MAPK10: variants seen among roughly 807,000 people sequenced by gnomAD.
The protein encoded by MAPK10 is mitogen-activated protein kinase 10, also known as JNK3 alpha protein kinase.
A neutral mutation model predicts 59.3 loss-of-function variants in MAPK10; 25 were observed. The observed-to-expected ratio is 0.42, with a 90% CI of 0.31 to 0.59. MAPK10 has a LOEUF of 0.59. Ranked by LOEUF, MAPK10 falls within the 20% of genes least tolerant of loss-of-function variation. MAPK10 has a pLI of 0.15. For synonymous variants in MAPK10, 190 were observed against 200.5 expected (o/e 0.95, Z 0.44); for missense variants, 351 against 568.9 (o/e 0.62, Z 3.90).
At chr4:86,288,271 C>T (rs1342320459) in intron 2 of MAPK10, among the ~76,000 whole-genome samples, 1 of 150,454 alleles carries the variant, frequency 6.6e-6, no homozygotes, top group Non-Finnish European at 1.5e-5. Flanking sequence ...TGTGCTGCAC[C>T]CATTAACTCG....
intron 9 of MAPK10, chr4:86,089,248 C>T: frequency 6.2e-7 from 1 of 1,612,842 alleles, no homozygotes. Context: ...ATCATTTCTC[C>T]CATGATGCAC....
intron 9 of MAPK10, among the ~76,000 whole-genome samples, chr4:86,084,550 T>C (rs191058057): frequency 2.9e-4 from 44 of 152,008 alleles, no homozygotes; most frequent in Admixed American, 8.5e-4. Context: ...AGCAAACAAG[T>C]GAAAGATCTC....
chr4:86,448,551 T>A (rs1291046077), intron 1 of MAPK10, among the ~76,000 whole-genome samples: 1 of 152,132 alleles, frequency 6.6e-6, no homozygotes, highest in East Asian at 1.9e-4. Context: ...TAAATGTAGA[T>A]CTTATAAATT....
chr4:86,334,979 T>C (rs549473570), intron 2 of MAPK10: 1 of 152,238 alleles, frequency 6.6e-6, no homozygotes, highest in Admixed American at 6.5e-5. Context: ...TATATATTTG[T>C]ATGTAAATCT....
intron 4 of MAPK10, among the ~76,000 whole-genome samples, chr4:86,135,435 C>T (rs1187137623): frequency 6.6e-6 from 1 of 152,182 alleles, no homozygotes; most frequent in African/African-American, 2.4e-5. Context: ...ACACTGAAAC[C>T]TCACACGGCA....
intron 1 of MAPK10, among the ~76,000 whole-genome samples, chr4:86,432,362 T>G (rs1392488978): frequency 1.3e-5 from 2 of 152,130 alleles, no homozygotes; most frequent in Admixed American, 1.3e-4. Context: ...GCAACCTCCA[T>G]CTCCTGGGTT....
chr4:86,426,089 C>T (rs1389540716), intron 1 of MAPK10, among the ~76,000 whole-genome samples: 2 of 152,190 alleles, frequency 1.3e-5, no homozygotes, highest in Non-Finnish European at 2.9e-5. Context: ...ATTTTGGCCT[C>T]TCGCTGTTTC....
rs1741405013 is a variant in MAPK10 at position 86,011,159 on chromosome 4, G to A, written c.*6069C>T. ...TATAAATTTCTACAGCACATTTTTAGTGCCTTAAACAGACTACAATGATGT... is the reference window on the plus strand; with the variant it reads ...TATAAATTTCTACAGCACATTTTTAATGCCTTAAACAGACTACAATGATGT... On this transcript the variant is annotated 3_prime_UTR_variant, in exon 14 of 14. Coordinates refer to ENST00000641462, the MANE Select transcript of MAPK10 (RefSeq NM_138982.4). 6.6e-6 allele frequency: 1 copy of A among 152,180 alleles called. No homozygotes were observed. Among genetic ancestry groups the A allele is most frequent in the South Asian group, 2.1e-4 (1 of 4,828 alleles). 9.4% of individuals were successfully genotyped at this position (152,180 alleles called of 1,614,324 possible).
chr4:86,475,915 C>T (rs774777693), intron 1 of MAPK10, among the ~76,000 whole-genome samples: 123 of 152,226 alleles, frequency 8.1e-4, no homozygotes, highest in African/African-American at 2.2e-3. Context: ...TAAACCTAAA[C>T]GCCTTATTTT....
intron 2 of MAPK10, among the ~76,000 whole-genome samples, chr4:86,266,807 C>G (rs921399014): frequency 6.6e-6 from 1 of 151,944 alleles, no homozygotes; most frequent in Non-Finnish European, 1.5e-5. Flanking sequence ...TCTAAACAAC[C>G]AGACCTAGGC....
chr4:86,414,547 A>G (rs1745618608), intron 1 of MAPK10, among the ~76,000 whole-genome samples: 1 of 152,234 alleles, frequency 6.6e-6, no homozygotes, highest in African/African-American at 2.4e-5. Context: ...TGTACAGCCA[A>G]AATAATTGCA....
chr4:86,262,160 A>G (rs748407068), intron 2 of MAPK10, among the ~76,000 whole-genome samples: 3 of 152,156 alleles, frequency 2.0e-5, no homozygotes, highest in Non-Finnish European at 2.9e-5. Context: ...GAGAGGTGGG[A>G]CTTTTAAGAG....
intron 1 of MAPK10, among the ~76,000 whole-genome samples, chr4:86,445,591 T>C (rs1177732330): frequency 6.6e-6 from 1 of 151,722 alleles, no homozygotes; most frequent in Non-Finnish European, 1.5e-5. Flanking sequence ...AAAATTTAAA[T>C]TTACACTGAA....
chr4:86,060,733 T>C (rs915200756), intron 11 of MAPK10, among the ~76,000 whole-genome samples: 2 of 152,174 alleles, frequency 1.3e-5, no homozygotes, highest in Non-Finnish European at 2.9e-5. Context: ...TTATTTTGGT[T>C]TAAACTAATG....
chr4:86,574,480 C>T (rs1236331436), intron 1 of MAPK10, among the ~76,000 whole-genome samples: 1 of 151,670 alleles, frequency 6.6e-6, no homozygotes, highest in South Asian at 2.1e-4. Flanking sequence ...GGAGTCGCCA[C>T]ACTGACTTCC....
chr4:86,538,687 A>T (rs1333070459), intron 1 of MAPK10, among the ~76,000 whole-genome samples: 3 of 152,200 alleles, frequency 2.0e-5, no homozygotes, highest in Admixed American at 6.5e-5. Context: ...CTATCCATGA[A>T]CAAGGTACTC....
At position 86,056,817 on chromosome 4, in the gene MAPK10, T is replaced by C. The variant is rs181542640; in HGVS notation, c.1110+7449A>G. Among the ~76,000 whole-genome samples, 3 of 149,706 alleles carry C rather than the reference T, an allele frequency of 2.0e-5. 1 individual carries two copies. The highest frequency in any genetic ancestry group is 7.5e-5 in the African/African-American group (3 of 40,126). The stretch of plus-strand genomic sequence containing the variant: ...TGCTATAGTAAATAGAAAGATTTAA[T>C]TTATAGTTTAAAGATTGTATACTTT... On this transcript the variant is annotated intron_variant, in intron 11 of 13. Coordinates refer to ENST00000641462, the MANE Select transcript of MAPK10 (RefSeq NM_138982.4).
intron 6 of MAPK10, chr4:86,102,733 A>G (rs2055719419): frequency 6.5e-6 from 1 of 153,706 alleles, no homozygotes; most frequent in Non-Finnish European, 1.4e-5. Context: ...GTTGGCCAGC[A>G]TGGTCTTGAT....
intron 2 of MAPK10, among the ~76,000 whole-genome samples, chr4:86,208,622 C>A (rs1039427461): frequency 1.3e-5 from 2 of 151,928 alleles, no homozygotes; most frequent in Non-Finnish European, 2.9e-5. Context: ...GACAAACCCA[C>A]AGCCAATATC....
Sources: gnomAD v4.1 joint callset for allele counts (sites outside exome capture counted in the v4.1 genomes callset) on GRCh38, gnomAD v4.1.1 for gene constraint, MANE v1.5 for transcripts, NCBI Gene and HGNC (gene_info 2026-07-23, HGNC 2026-07-21) for gene names.